The following BAIAP2L1 variants were observed in gnomAD, a reference collection of about 807,000 sequenced individuals.
BAIAP2L1 encodes the protein BAR/IMD domain-containing adapter protein 2-like 1.
BAIAP2L1 carries 35 observed loss-of-function variants against 66.3 expected under a neutral mutation model. The observed-to-expected ratio is 0.53, with a 90% CI of 0.40 to 0.70. The LOEUF (loss-of-function observed/expected upper bound fraction) is 0.70, where lower values mean the gene tolerates loss of function less well. BAIAP2L1 is among the 30% of genes least tolerant of loss of function. The pLI is 0.00. For missense variants in BAIAP2L1, 622 were observed against 656.9 expected (o/e 0.95, Z 0.58); for synonymous variants, 269 against 248.7 (o/e 1.08, Z -0.77).
chr7:98,339,498 G>A (rs1801690110), intron 3 of BAIAP2L1, among the ~76,000 whole-genome samples: 1 of 152,148 alleles, frequency 6.6e-6, no homozygotes, highest in Non-Finnish European at 1.5e-5. Flanking sequence ...AAAACTTCTA[G>A]AACCCCACCT....
chr7:98,386,473 T>C (rs1440293102), intron 1 of BAIAP2L1: 4 of 1,597,136 alleles, frequency 2.5e-6, no homozygotes, highest in Non-Finnish European at 3.4e-6. Context: ...ATACTGAACA[T>C]AGCAGGTGCT....
rs1029992419 is a variant in BAIAP2L1, at chr7:98,292,321, A to C, written c.*1200T>G. The C allele has an allele frequency of 8.5e-6, 3 of 351,186 alleles. No individual in the cohort carries two copies. The highest frequency in any genetic ancestry group is 1.6e-5 in the Non-Finnish European group (3 of 186,168). The allele number at this position is 351,186 out of a possible 1,614,324, so 21.8% of individuals were successfully genotyped here. On this transcript the variant is annotated 3_prime_UTR_variant, in exon 14 of 14. Transcript: ENST00000005260. ...ACTGCAACCTCTGCCTCCCGGGTTC[A>C]AGTGATTCTCCTGCCTCAGCCTCCT...
intron 10 of BAIAP2L1, chr7:98,306,783 C>A: frequency 2.2e-6 from 1 of 453,412 alleles, no homozygotes. Context: ...TCATAGCTCA[C>A]AGCAGCCTCG....
intron 3 of BAIAP2L1, among the ~76,000 whole-genome samples, chr7:98,337,384 A>C (rs910953290): frequency 1.3e-5 from 2 of 152,204 alleles, no homozygotes; most frequent in Non-Finnish European, 2.9e-5. Flanking sequence ...GGCGTGTGCC[A>C]TCACGCTCAG....
intron 3 of BAIAP2L1, among the ~76,000 whole-genome samples, chr7:98,337,646 G>A (rs1029067827): frequency 2.6e-5 from 4 of 152,206 alleles, no homozygotes; most frequent in East Asian, 1.9e-4. Context: ...GGCCGGGCGC[G>A]GTGGCTCACG....
At chr7:98,357,039 ATATATATATATTTT>A (rs1292114519) in intron 2 of BAIAP2L1, among the ~76,000 whole-genome samples, 4 of 17,370 alleles carry the variant, frequency 2.3e-4, no homozygotes, top group African/African-American at 8.7e-4. Flanking sequence ...ATATATATAT[ATATATATATATTTT>A]TTTTTTTTTT....
chr7:98,384,484 A>G (rs1355567732), intron 1 of BAIAP2L1, among the ~76,000 whole-genome samples: 1 of 152,140 alleles, frequency 6.6e-6, no homozygotes, highest in Non-Finnish European at 1.5e-5. Flanking sequence ...TAAAAAAGCA[A>G]TCAATAAATT....
intron 1 of BAIAP2L1, among the ~76,000 whole-genome samples, chr7:98,393,874 C>A (rs1003888139): frequency 2.7e-5 from 4 of 147,236 alleles, no homozygotes; most frequent in African/African-American, 1.0e-4. Flanking sequence ...GAGGCCGAGG[C>A]GGGCGGATCA....
chr7:98,323,915 T>C (rs892642051), intron 3 of BAIAP2L1, among the ~76,000 whole-genome samples: 1 of 152,204 alleles, frequency 6.6e-6, no homozygotes, highest in Non-Finnish European at 1.5e-5. Flanking sequence ...AGAAGTTTCA[T>C]CTTAAATAGA....
chr7:98,315,718 T>C, intron 6 of BAIAP2L1, 106 bp from the exon 7 acceptor site: 1 of 476,386 alleles, frequency 2.1e-6, no homozygotes, highest in Admixed American at 4.7e-5. Context: ...ACCTGCTTTA[T>C]TTGAATAATA....
chr7:98,315,289 T>C (rs967955558), intron 7 of BAIAP2L1, among the ~76,000 whole-genome samples, 171 bp downstream of exon 7: 2 of 148,662 alleles, frequency 1.3e-5, no homozygotes, highest in Non-Finnish European at 3.0e-5. Flanking sequence ...GCCTGGCTAG[T>C]TTTTTTTTTA....
chr7:98,390,648 C>T (rs1451060972), intron 1 of BAIAP2L1, among the ~76,000 whole-genome samples: 2 of 151,440 alleles, frequency 1.3e-5, no homozygotes, highest in Admixed American at 1.3e-4. Flanking sequence ...AGGAGAATGG[C>T]GTGAACCTGG....
At chr7:98,326,077 C>G (rs1801376043) in intron 3 of BAIAP2L1, among the ~76,000 whole-genome samples, 1 of 152,114 alleles carries the variant, frequency 6.6e-6, no homozygotes, top group Non-Finnish European at 1.5e-5. Context: ...TTGCTTGAGC[C>G]CAGGGGATGG....
At chr7:98,294,955 ACT>A (rs1491289894) in intron 12 of BAIAP2L1, among the ~76,000 whole-genome samples, 2 of 151,988 alleles carry the variant, frequency 1.3e-5, no homozygotes, top group African/African-American at 4.8e-5. Flanking sequence ...AGGGTTTAAC[ACT>A]CTTTCCTGCC....
At chr7:98,372,802 G>A (rs1035773667) in intron 1 of BAIAP2L1, among the ~76,000 whole-genome samples, 4 of 145,396 alleles carry the variant, frequency 2.8e-5, no homozygotes, top group Admixed American at 7.0e-5. Flanking sequence ...GTAGTGGCCA[G>A]TGGCCTGATC....
chr7:98,294,085 C>T lies in BAIAP2L1; in HGVS notation c.1449G>A (p.Pro483=), dbSNP rs776411998. 6.2e-6 allele frequency: 10 copies of T among 1,614,058 alleles called. No individual in the cohort carries two copies. Among genetic ancestry groups the T allele is most frequent in the South Asian group, 5.5e-5 (5 of 91,082 alleles). ...APNDANGTAK[P]PFLSGENPFA... Reference sequence around the variant, plus strand: ...GAAGCCACGCCTACCTGAGAAAAGGCGGCTTTGCAGTCCCGTTGGCATCGT... The same window carrying T: ...GAAGCCACGCCTACCTGAGAAAAGGTGGCTTTGCAGTCCCGTTGGCATCGT... The change falls in exon 13 of 14, where the codon CCG becomes CCA. Residue 483 remains proline (P), a synonymous_variant. Transcript: ENST00000005260.
intron 3 of BAIAP2L1, among the ~76,000 whole-genome samples, chr7:98,339,939 C>T (rs1014765955): frequency 1.3e-5 from 2 of 152,202 alleles, no homozygotes; most frequent in African/African-American, 2.4e-5. Context: ...GCCAATTATC[C>T]GGCCCAGTTG....
chr7:98,338,662 T>C (rs1418252029), intron 3 of BAIAP2L1, among the ~76,000 whole-genome samples: 1 of 152,214 alleles, frequency 6.6e-6, no homozygotes, highest in Non-Finnish European at 1.5e-5. Context: ...GGTACTTCAT[T>C]CTTTTTCGTG....
At chr7:98,310,267 G>T (rs368993448) in intron 9 of BAIAP2L1, 178 bp downstream of exon 9, 37 of 599,824 alleles carry the variant, frequency 6.2e-5, no homozygotes, top group East Asian at 4.9e-4. Context: ...GCGTCTCACA[G>T]TCTAGTCCTG....
Sources: gnomAD v4.1 joint callset for allele counts (sites outside exome capture counted in the v4.1 genomes callset) on GRCh38, gnomAD v4.1.1 for gene constraint, MANE v1.5 for transcripts, NCBI Gene and HGNC (gene_info 2026-07-23, HGNC 2026-07-21) for gene names.